UGT1A10: variants seen among roughly 807,000 people sequenced by gnomAD.
The protein encoded by UGT1A10 is UDP-glucuronosyltransferase 1A10.
Under a neutral mutation model 45.8 loss-of-function variants are expected in UGT1A10, and 49 were observed. The observed-to-expected ratio is 1.07, with a 90% CI of 0.85 to 1.36. The LOEUF is 1.36. Ranked by LOEUF, UGT1A10 falls within the 40% of genes most tolerant of loss-of-function variation. The pLI is 0.00. For synonymous variants in UGT1A10, 284 were observed against 249.7 expected (o/e 1.14, Z -1.29); for missense variants, 745 against 668.6 (o/e 1.11, Z -1.26).
At chr2:233,647,206 T>C (rs1354775708) in intron 1 of UGT1A10, among the ~76,000 whole-genome samples, 7 of 152,208 alleles carry the variant, frequency 4.6e-5, no homozygotes, top group Non-Finnish European at 8.8e-5. Context: ...GTTCCTTCCA[T>C]GACACGTGGA....
intron 1 of UGT1A10, among the ~76,000 whole-genome samples, chr2:233,709,877 A>G (rs2076095941): frequency 6.6e-6 from 1 of 152,140 alleles, no homozygotes; most frequent in Non-Finnish European, 1.5e-5. Context: ...TTACCCAGTA[A>G]CTTCCCTTCT....
At chr2:233,694,638 TTTCCAG>T (rs1240951817) in intron 1 of UGT1A10, among the ~76,000 whole-genome samples, 1 of 152,224 alleles carries the variant, frequency 6.6e-6, no homozygotes, top group Admixed American at 6.5e-5. Flanking sequence ...TCAATTTTCT[TTTCCAG>T]TTCCTTTTTT....
chr2:233,651,252 G>A (rs2073732109), intron 1 of UGT1A10, among the ~76,000 whole-genome samples: 1 of 152,088 alleles, frequency 6.6e-6, no homozygotes, highest in African/African-American at 2.4e-5. Flanking sequence ...GTGGGATCCT[G>A]CCACTTCCTG....
intron 1 of UGT1A10, among the ~76,000 whole-genome samples, chr2:233,656,639 TC>T (rs1163988819): frequency 2.6e-5 from 4 of 152,100 alleles, no homozygotes; most frequent in African/African-American, 9.7e-5. Flanking sequence ...GTCCACTGAG[TC>T]CATCTCATCT....
chr2:233,738,524 A>G (rs553988769), intron 1 of UGT1A10, among the ~76,000 whole-genome samples: 1 of 152,322 alleles, frequency 6.6e-6, no homozygotes, highest in South Asian at 2.1e-4. Context: ...TGTTGTGGAC[A>G]ATGAAGTCCA....
chr2:233,736,858 C>G (rs2078820819), intron 1 of UGT1A10, among the ~76,000 whole-genome samples: 1 of 152,192 alleles, frequency 6.6e-6, no homozygotes, highest in South Asian at 2.1e-4. Flanking sequence ...GGCTGCAGAA[C>G]AGCAAATATT....
intron 1 of UGT1A10, chr2:233,719,057 C>T (rs777947055): frequency 1.2e-6 from 2 of 1,614,274 alleles, no homozygotes; most frequent in South Asian, 2.2e-5. Flanking sequence ...CCCTGACAGC[C>T]TATGCTGTTC....
chr2:233,673,507 C>T (rs2074260225), intron 1 of UGT1A10, among the ~76,000 whole-genome samples: 1 of 152,076 alleles, frequency 6.6e-6, no homozygotes, highest in South Asian at 2.1e-4. Flanking sequence ...GACTAGAGCC[C>T]TACATGTAGG....
chr2:233,655,911 CCT>C (rs766323504), intron 1 of UGT1A10, among the ~76,000 whole-genome samples: 2 of 152,200 alleles, frequency 1.3e-5, no homozygotes, highest in Non-Finnish European at 2.9e-5. Context: ...CACTTTTACA[CCT>C]CTGATCACTG....
At position 233,764,478 on chromosome 2, in the gene UGT1A10, C is replaced by T. The variant is rs370150887; in HGVS notation, c.856-2556C>T. ...TTCGTGATCTCCTGCTATTTAACTT[C>T]GAATGTTTATGGACCTGTGGGTTCA... On this transcript the variant is annotated intron_variant, in intron 1 of 4. Transcript: ENST00000344644. 3.4e-4 allele frequency among the ~76,000 whole-genome samples: 51 copies of T among 152,200 alleles called. 2 individuals are homozygous for T. Among genetic ancestry groups the T allele is most frequent in the East Asian group, 3.1e-3 (16 of 5,174 alleles).
At chr2:233,668,114 G>A (rs1169055499) in intron 1 of UGT1A10, among the ~76,000 whole-genome samples, 1 of 151,798 alleles carries the variant, frequency 6.6e-6, no homozygotes, top group Non-Finnish European at 1.5e-5. Context: ...ATGCAGGTTT[G>A]TTACATATGT....
At chr2:233,705,875 G>A (rs923785055) in intron 1 of UGT1A10, among the ~76,000 whole-genome samples, 2 of 152,126 alleles carry the variant, frequency 1.3e-5, no homozygotes, top group African/African-American at 2.4e-5. Flanking sequence ...ATCACTTGAG[G>A]CCAGGAGTTC....
intron 1 of UGT1A10, among the ~76,000 whole-genome samples, chr2:233,720,293 G>A (rs1340833186): frequency 6.6e-6 from 1 of 152,182 alleles, no homozygotes; most frequent in Non-Finnish European, 1.5e-5. Flanking sequence ...CTGACCAGGA[G>A]TTGGGGGTCT....
intron 1 of UGT1A10, among the ~76,000 whole-genome samples, chr2:233,727,013 TTG>T (rs1300026123): frequency 1.2e-4 from 18 of 152,218 alleles, no homozygotes; most frequent in African/African-American, 3.9e-4. Context: ...TTATCATTTG[TTG>T]TTTTTGTACC....
At chr2:233,672,947 A>G (rs1442205815) in intron 1 of UGT1A10, among the ~76,000 whole-genome samples, 1 of 152,234 alleles carries the variant, frequency 6.6e-6, no homozygotes, top group Non-Finnish European at 1.5e-5. Flanking sequence ...ACTCGTCAGT[A>G]GCAAATTTTA....
chr2:233,681,216 G>C (rs2074514223), intron 1 of UGT1A10, among the ~76,000 whole-genome samples: 1 of 151,854 alleles, frequency 6.6e-6, no homozygotes, highest in South Asian at 2.1e-4. Flanking sequence ...ATTTCTTTCT[G>C]GGCAGAGGAC....
chr2:233,771,369 G>A (rs987787590), intron 4 of UGT1A10: 2 of 151,684 alleles, frequency 1.3e-5, no homozygotes, highest in African/African-American at 4.8e-5. Flanking sequence ...CACCTAACCC[G>A]TTTTGGATTG....
At chr2:233,763,748 T>A (rs1698392875) in intron 1 of UGT1A10, among the ~76,000 whole-genome samples, 1 of 152,112 alleles carries the variant, frequency 6.6e-6, no homozygotes, top group African/African-American at 2.4e-5. Flanking sequence ...GTGTCTTTGG[T>A]GTGTCTGAAG....
chr2:233,686,170 A>G (rs1372808829), intron 1 of UGT1A10, among the ~76,000 whole-genome samples: 1 of 152,190 alleles, frequency 6.6e-6, no homozygotes, highest in Non-Finnish European at 1.5e-5. Context: ...ACCTAAATAG[A>G]AAATCTAAAA....
Sources: allele counts gnomAD v4.1 joint callset (sites outside exome capture counted in the v4.1 genomes callset), GRCh38; gene constraint gnomAD v4.1.1; transcripts MANE v1.5; gene names NCBI Gene and HGNC (gene_info 2026-07-23, HGNC 2026-07-21).